Variants in PDE4D observed in about 807,000 individuals in gnomAD.
The protein encoded by PDE4D is 3',5'-cyclic-AMP phosphodiesterase 4D.
PDE4D carries 24 observed loss-of-function variants against 87.4 expected under a neutral mutation model. The ratio of observed to expected loss-of-function variants is 0.27; its 90% CI spans 0.20 to 0.39. The LOEUF is 0.39. Ranked by LOEUF, PDE4D falls within the 10% of genes least tolerant of loss-of-function variation. The pLI, the probability that PDE4D is intolerant of heterozygous loss-of-function variation, is 1.00. For missense variants in PDE4D, 714 were observed against 1,041.0 expected, an observed-to-expected ratio of 0.69 and a Z score of 4.32; for synonymous variants, 384 against 383.2, an observed-to-expected ratio of 1.00 and a Z score of -0.02.
chr5:60,451,354 C>T (rs1185398474), intron 1 of PDE4D, among the ~76,000 whole-genome samples: 1 of 152,048 alleles, frequency 6.6e-6, no homozygotes, highest in Non-Finnish European at 1.5e-5. Context: ...TCCATCAGCT[C>T]AAACATTTAT....
chr5:60,006,698 T>C (rs905517318), intron 2 of PDE4D, among the ~76,000 whole-genome samples: 1 of 152,000 alleles, frequency 6.6e-6, no homozygotes, highest in Admixed American at 6.6e-5. Context: ...ATTTTTCCCA[T>C]TGTTCTGTGC....
intron 3 of PDE4D, among the ~76,000 whole-genome samples, chr5:59,942,854 G>T: frequency 9.2e-6 from 1 of 108,566 alleles, no homozygotes; most frequent in Non-Finnish European, 1.7e-5. Context: ...TTCCTAACTG[G>T]GGTGGGGGGT....
At chr5:59,225,990 TA>T (rs35585210) in intron 1 of PDE4D, among the ~76,000 whole-genome samples, 50 of 146,388 alleles carry the variant, frequency 3.4e-4, no homozygotes, top group South Asian at 8.6e-4. Context: ...TGGCCATTAT[TA>T]AAAAAAAAAA....
intron 1 of PDE4D, among the ~76,000 whole-genome samples, chr5:60,378,617 G>C (rs1008237302): frequency 1.3e-5 from 2 of 152,124 alleles, no homozygotes; most frequent in Non-Finnish European, 2.9e-5. Flanking sequence ...ACTTTGGGAG[G>C]CCAAGGTGGG....
chr5:59,789,528 G>A (rs1427184630), intron 1 of PDE4D, among the ~76,000 whole-genome samples: 2 of 152,184 alleles, frequency 1.3e-5, no homozygotes, highest in African/African-American at 4.8e-5. Context: ...GTATTACTTG[G>A]AATGATTGTA....
At chr5:59,081,846 T>C (rs1449217293) in intron 5 of PDE4D, among the ~76,000 whole-genome samples, 1 of 152,150 alleles carries the variant, frequency 6.6e-6, no homozygotes, top group Admixed American at 6.6e-5. Flanking sequence ...TCATCTTGAA[T>C]TGTAATCCCC....
At chr5:59,834,429 C>T (rs926137549) in intron 1 of PDE4D, among the ~76,000 whole-genome samples, 4 of 152,008 alleles carry the variant, frequency 2.6e-5, no homozygotes, top group Non-Finnish European at 4.4e-5. Context: ...AGAATAACCA[C>T]ATTAGCAAAA....
chr5:59,411,772 T>G (rs1469132867), intron 1 of PDE4D, among the ~76,000 whole-genome samples: 1 of 152,176 alleles, frequency 6.6e-6, no homozygotes, highest in Non-Finnish European at 1.5e-5. Flanking sequence ...ACTTCAACAT[T>G]TTGAGAGGAC....
chr5:59,879,579 A>G (rs13189896), intron 1 of PDE4D, among the ~76,000 whole-genome samples: 8,518 of 152,204 alleles, frequency 0.056, 307 homozygotes, highest in African/African-American at 0.098. Flanking sequence ...GTTTGCATTT[A>G]TTTTTCATAG....
chr5:59,475,993 A>C (rs1803239935), intron 1 of PDE4D, among the ~76,000 whole-genome samples: 1 of 152,130 alleles, frequency 6.6e-6, no homozygotes, highest in Admixed American at 6.6e-5. Context: ...TTTTCCAAGC[A>C]TGTCACTCAA....
At chr5:60,035,255 CAA>C (rs55913764) in intron 2 of PDE4D, among the ~76,000 whole-genome samples, 1,277 of 126,454 alleles carry the variant, frequency 0.01, 15 homozygotes, top group African/African-American at 0.03. Context: ...GACTCCGTCT[CAA>C]AAAAAAAAAA....
intron 1 of PDE4D, among the ~76,000 whole-genome samples, chr5:59,324,270 A>G (rs1775246323): frequency 6.6e-6 from 1 of 152,106 alleles, no homozygotes; most frequent in African/African-American, 2.4e-5. Context: ...ATTTACTTGT[A>G]GTTGACTCTA....
chr5:60,360,695 C>T (rs921394671), intron 1 of PDE4D, among the ~76,000 whole-genome samples: 12 of 152,182 alleles, frequency 7.9e-5, no homozygotes, highest in Non-Finnish European at 8.8e-5. Flanking sequence ...ATATGTGGGT[C>T]TTCTTTTGTC....
intron 1 of PDE4D, among the ~76,000 whole-genome samples, chr5:60,406,764 T>C (rs1015588362): frequency 1.3e-5 from 2 of 152,192 alleles, no homozygotes; most frequent in Admixed American, 6.5e-5. Context: ...TCATTTTCTA[T>C]CAGCTGCATT....
At chr5:59,543,345 T>C (rs1281988871) in intron 1 of PDE4D, among the ~76,000 whole-genome samples, 7 of 152,158 alleles carry the variant, frequency 4.6e-5, no homozygotes, top group African/African-American at 1.4e-4. Context: ...CCATTTAGAC[T>C]CAAATACTTG....
intron 3 of PDE4D, among the ~76,000 whole-genome samples, chr5:59,963,409 C>G (rs945685379): frequency 1.4e-4 from 22 of 152,278 alleles, no homozygotes; most frequent in Middle Eastern, 3.4e-3. Flanking sequence ...CACCTAACAT[C>G]TGTATGTGCT....
At chr5:59,643,031 A>T (rs192748897) in intron 1 of PDE4D, among the ~76,000 whole-genome samples, 83 of 152,300 alleles carry the variant, frequency 5.4e-4, no homozygotes, top group Non-Finnish European at 1.0e-3. Context: ...TGCCCAAAGG[A>T]GTCAGGTTTA....
At chr5:59,862,163 C>T (rs1328104120) in intron 1 of PDE4D, among the ~76,000 whole-genome samples, 2 of 152,144 alleles carry the variant, frequency 1.3e-5, no homozygotes, top group African/African-American at 4.8e-5. Flanking sequence ...AGGACATTCC[C>T]AAGGCTACAT....
intron 1 of PDE4D, among the ~76,000 whole-genome samples, chr5:59,388,083 G>A (rs375419908): frequency 9.8e-4 from 149 of 152,046 alleles, no homozygotes; most frequent in Middle Eastern, 6.8e-3. Context: ...TTAACATAAC[G>A]TCATCCAGAT....
Sources: allele counts gnomAD v4.1 joint callset (sites outside exome capture counted in the v4.1 genomes callset), GRCh38; gene constraint gnomAD v4.1.1; transcripts MANE v1.5; gene names NCBI Gene and HGNC (gene_info 2026-07-23, HGNC 2026-07-21).